The following ZNF608 variants were observed in gnomAD, a reference collection of about 807,000 sequenced individuals.
ZNF608 encodes renal carcinoma antigen NY-REN-36.
A neutral mutation model predicts 109.0 loss-of-function variants in ZNF608; 12 were observed. The observed-to-expected ratio is 0.11, with a 90% confidence interval of 0.07 to 0.18. The LOEUF is 0.18. Among genes scored for constraint, ZNF608 ranks in the 10% least tolerant of loss-of-function variants. The pLI, the probability that ZNF608 is intolerant of heterozygous loss-of-function variation, is 1.00. For missense variants in ZNF608, 1,707 were observed against 1,879.3 expected (o/e 0.91, Z 1.70); for synonymous variants, 732 against 717.4 (o/e 1.02, Z -0.33).
chr5:124,748,535 T>A, upstream of ZNF608: 1 of 985,354 alleles, frequency 1.0e-6, no homozygotes, highest in Non-Finnish European at 1.2e-6. Flanking sequence ...GTACTTACGG[T>A]CTGTATTGGA....
intron 3 of ZNF608, among the ~76,000 whole-genome samples, chr5:124,655,015 C>G (rs959085717): frequency 4.6e-5 from 7 of 152,212 alleles, no homozygotes; most frequent in African/African-American, 1.7e-4. Flanking sequence ...CCCACAACCC[C>G]TGGCGGCACA....
At chr5:124,662,776 T>G (rs1004672659) in intron 3 of ZNF608, among the ~76,000 whole-genome samples, 3 of 152,112 alleles carry the variant, frequency 2.0e-5, no homozygotes, top group African/African-American at 7.2e-5. Context: ...TCCTCCCAGG[T>G]TGCCTTGTAA....
At chr5:124,710,641 GCTT>G (rs1753452615) in intron 2 of ZNF608, 1 of 153,644 alleles carries the variant, frequency 6.5e-6, no homozygotes, top group Admixed American at 6.4e-5. Flanking sequence ...TGTCCAAGAA[GCTT>G]CTTATGTATG....
intron 3 of ZNF608, among the ~76,000 whole-genome samples, chr5:124,667,187 C>T (rs1296116587): frequency 6.6e-6 from 1 of 152,116 alleles, no homozygotes. Context: ...TATTCACAAC[C>T]CCAGTCATTA....
chr5:124,656,173 T>C (rs1750996678), intron 3 of ZNF608, among the ~76,000 whole-genome samples: 1 of 152,134 alleles, frequency 6.6e-6, no homozygotes, highest in South Asian at 2.1e-4. Context: ...ACAAATAGTG[T>C]ATGGCAATGG....
chr5:124,744,209 C>G lies in ZNF608; in HGVS notation c.781G>C (p.Ala261Pro). The G allele has an allele frequency of 6.2e-7, 1 of 1,613,808 alleles. No homozygotes were observed. Among genetic ancestry groups the G allele is most frequent in the Non-Finnish European group, 8.5e-7 (1 of 1,179,988 alleles). The change falls in exon 2 of 10, where the codon GCC becomes CCC. Residue 261 changes from alanine (A) to proline (P), a missense_variant. By Grantham distance (27) the Ala-to-Pro change is conservative. Coordinates refer to ENST00000513986, the MANE Select transcript of ZNF608 (RefSeq NM_020747.3). This position sits in a 1 kb window ranked among gnomAD's most constrained non-coding sequence, Gnocchi z 4.5. ...HCGGTGSGSV[A>P]AAGEVSKSAP... Reference sequence around the variant, plus strand: ...CTTTTGCTAACTTCCCCTGCAGCGGCGACGCTGCCACTCCCAGTGCCCCCG... The same window carrying G: ...CTTTTGCTAACTTCCCCTGCAGCGGGGACGCTGCCACTCCCAGTGCCCCCG...
At chr5:124,713,907 T>C (rs1753595841) in intron 2 of ZNF608, among the ~76,000 whole-genome samples, 1 of 152,104 alleles carries the variant, frequency 6.6e-6, no homozygotes, top group South Asian at 2.1e-4. Context: ...AAAATAATAA[T>C]AAATGTACCT....
At chr5:124,710,552 C>T (rs1753447256) in intron 2 of ZNF608, 1 of 241,054 alleles carries the variant, frequency 4.1e-6, no homozygotes, top group Non-Finnish European at 8.3e-6. Context: ...AATTTTGACT[C>T]CCTGTACAGG....
rs74944529 is a variant in ZNF608, at chr5:124,700,356, T to C, written c.1162+658A>G. On this transcript the variant is annotated intron_variant, in intron 3 of 9. Transcript: ENST00000513986. ...GCATATGCTCTGATTTATATTCCAATAGCAATGATAGATTAATCCTGATCC... is the reference window on the plus strand; with the variant it reads ...GCATATGCTCTGATTTATATTCCAACAGCAATGATAGATTAATCCTGATCC... Among the ~76,000 whole-genome samples, 25 of 152,378 alleles carry C rather than the reference T, an allele frequency of 1.6e-4. No individual in the cohort carries two copies. The East Asian group carries it at 4.8e-3, about 29-fold the overall frequency.
chr5:124,642,024 C>A (rs1171851429), intron 7 of ZNF608, among the ~76,000 whole-genome samples: 1 of 152,160 alleles, frequency 6.6e-6, no homozygotes. Context: ...TACAGCCTAA[C>A]CACCCTTTAA....
chr5:124,648,101 G>A lies in ZNF608; in HGVS notation c.2283C>T (p.Thr761=), dbSNP rs777180045. Residue 761 remains threonine (T), a synonymous_variant, in exon 5 of 10, where the codon ACC becomes ACT. Transcript: ENST00000513986. ...AIPTATFTTT[T]TGTIPGLPSL... ...AGGGCAGTCCGGGTATTGTCCCAGT[G>A]GTGGTCGTTGTAAAGGTTGCAGTGG... The A allele has an allele frequency of 3.1e-6, 5 of 1,614,142 alleles. No individual in the cohort carries two copies. The highest frequency in any genetic ancestry group is 2.5e-6 in the Non-Finnish European group (3 of 1,180,030).
chr5:124,716,135 T>A (rs1170394018), intron 2 of ZNF608, among the ~76,000 whole-genome samples: 1 of 101,378 alleles, frequency 9.9e-6, no homozygotes, highest in Non-Finnish European at 1.8e-5. Flanking sequence ...AGAGCGAGAA[T>A]CCGTCTCAAA....
At chr5:124,691,438 G>A (rs1189779111) in intron 3 of ZNF608, among the ~76,000 whole-genome samples, 1 of 152,098 alleles carries the variant, frequency 6.6e-6, no homozygotes, top group African/African-American at 2.4e-5. Flanking sequence ...TACCTGTTAG[G>A]ATAGCCATTA....
At chr5:124,680,930 C>T (rs888206331) in intron 3 of ZNF608, among the ~76,000 whole-genome samples, 7 of 151,916 alleles carry the variant, frequency 4.6e-5, no homozygotes, top group African/African-American at 1.7e-4. Flanking sequence ...GAAAAACTCT[C>T]CAGGCAGAAA....
chr5:124,670,325 TTTTC>T (rs1339649814), intron 3 of ZNF608, among the ~76,000 whole-genome samples: 8 of 151,566 alleles, frequency 5.3e-5, no homozygotes, highest in Non-Finnish European at 8.8e-5. Flanking sequence ...CAGCTATCCT[TTTTC>T]TTTCTTTCTT....
At chr5:124,686,299 A>G (rs1196347207) in intron 3 of ZNF608, among the ~76,000 whole-genome samples, 1 of 152,202 alleles carries the variant, frequency 6.6e-6, no homozygotes, top group Non-Finnish European at 1.5e-5. Flanking sequence ...CCTATCAGGC[A>G]GGAGTCTACG....
intron 3 of ZNF608, among the ~76,000 whole-genome samples, chr5:124,670,208 C>A (rs980646136): frequency 3.3e-5 from 5 of 152,170 alleles, no homozygotes; most frequent in Non-Finnish European, 1.5e-5. Flanking sequence ...GCAATCCTTT[C>A]TTCACAGAGA....
chr5:124,725,174 C>T (rs1754089876), intron 2 of ZNF608, among the ~76,000 whole-genome samples: 1 of 152,128 alleles, frequency 6.6e-6, no homozygotes, highest in Non-Finnish European at 1.5e-5. Context: ...TAACTGTACT[C>T]AGGTCCCTAC....
chr5:124,718,280 A>C (rs1753781678), intron 2 of ZNF608, among the ~76,000 whole-genome samples: 1 of 152,258 alleles, frequency 6.6e-6, no homozygotes, highest in Non-Finnish European at 1.5e-5. Flanking sequence ...GAACAAAAAA[A>C]TTCTCTTTCA....
Sources: allele counts gnomAD v4.1 joint callset (sites outside exome capture counted in the v4.1 genomes callset), GRCh38; gene constraint gnomAD v4.1.1; non-coding constraint Gnocchi (gnomAD v3.1); transcripts MANE v1.5; gene names NCBI Gene and HGNC (gene_info 2026-07-23, HGNC 2026-07-21).